Variants in MANBA observed in about 807,000 individuals in gnomAD.
MANBA encodes the protein mannosidase beta.
Under a neutral mutation model 111.1 loss-of-function variants are expected in MANBA, and 83 were observed. The ratio of observed to expected loss-of-function variants is 0.75; its 90% CI spans 0.63 to 0.90. The LOEUF (loss-of-function observed/expected upper bound fraction) is 0.90, where lower values mean the gene tolerates loss of function less well. Among genes scored for constraint, MANBA ranks in the 40% least tolerant of loss-of-function variants. MANBA has a pLI of 0.00. For missense variants in MANBA, 1,036 were observed against 1,069.0 expected, an observed-to-expected ratio of 0.97 and a Z score of 0.43; for synonymous variants, 370 against 378.7, an observed-to-expected ratio of 0.98 and a Z score of 0.27.
intron 8 of MANBA, chr4:102,671,886 A>C (rs2110224189): frequency 2.4e-6 from 1 of 422,222 alleles, no homozygotes; most frequent in Non-Finnish European, 4.1e-6. Context: ...AAAATCTAGA[A>C]ACTTACAGGC....
intron 8 of MANBA, among the ~76,000 whole-genome samples, chr4:102,672,796 T>A (rs1211522658): frequency 1.3e-5 from 2 of 152,216 alleles, no homozygotes; most frequent in Non-Finnish European, 2.9e-5. Flanking sequence ...TATGAGAATC[T>A]AATTCCTGAT....
At chr4:102,729,240 G>C (rs2110198083) in intron 1 of MANBA, 1 of 744,476 alleles carries the variant, frequency 1.3e-6, no homozygotes, top group Middle Eastern at 3.4e-4. Context: ...TGATGTTCCG[G>C]TTCATCTCAG....
chr4:102,742,878 C>T (rs966683262), intron 1 of MANBA, among the ~76,000 whole-genome samples: 15 of 152,122 alleles, frequency 9.9e-5, no homozygotes, highest in Admixed American at 2.6e-4. Context: ...GGTGCCATAT[C>T]GTGGGCTCAG....
chr4:102,690,633 C>G lies in MANBA; in HGVS notation c.812G>C (p.Gly271Ala), dbSNP rs748546365. Residue 271 changes from glycine (G) to alanine (A), a missense_variant, in exon 6 of 17, where the codon GGG becomes GCG. Physicochemically the swap from Gly to Ala is moderately conservative, Grantham distance 60. Transcript: ENST00000647097. ...CACAAATAGCTCAACAATCCTTTTCCCAGGTTGAAGTTCAATGCTGTATGT... is the reference window on the plus strand; with the variant it reads ...CACAAATAGCTCAACAATCCTTTTCGCAGGTTGAAGTTCAATGCTGTATGT... The part of the protein sequence containing the change: ...QQTYSIELQP[G>A]KRIVELFVNI... 2 of 1,612,662 alleles carry G rather than the reference C, an allele frequency of 1.2e-6. No individual in the cohort carries two copies. The highest frequency in any genetic ancestry group is 3.3e-5 in the Admixed American group (2 of 59,936).
intron 16 of MANBA, chr4:102,633,226 T>C: frequency 2.5e-6 from 1 of 398,518 alleles, no homozygotes; most frequent in Non-Finnish European, 4.4e-6. Context: ...GGCTTGAATT[T>C]GGATGGCAAA....
At position 102,733,338 on chromosome 4, in the gene MANBA, G is replaced by A. The variant is rs1438831677; in HGVS notation, c.178-6655C>T. On this transcript the variant is annotated intron_variant, in intron 1 of 16. Coordinates refer to ENST00000647097, the MANE Select transcript of MANBA (RefSeq NM_005908.4). Reference sequence around the variant, plus strand: ...GATTCCTGTTCACCTGAGTAAGGAAGTCCTCTCTGCATTTTTTTTTTTTTT... The same window carrying A: ...GATTCCTGTTCACCTGAGTAAGGAAATCCTCTCTGCATTTTTTTTTTTTTT... 2.0e-5 allele frequency among the ~76,000 whole-genome samples: 3 copies of A among 150,784 alleles called. No homozygotes were observed. In the East Asian group the frequency reaches 5.8e-4, roughly 29 times the overall value.
intron 1 of MANBA, among the ~76,000 whole-genome samples, chr4:102,739,421 A>G (rs755210084): frequency 5.9e-5 from 9 of 152,330 alleles, no homozygotes; most frequent in Non-Finnish European, 1.2e-4. Context: ...TCCAAAAAAT[A>G]GAGAAAGAGG....
At chr4:102,739,167 A>G (rs375908151) in intron 1 of MANBA, among the ~76,000 whole-genome samples, 42 of 152,348 alleles carry the variant, frequency 2.8e-4, no homozygotes, top group African/African-American at 1.0e-3. Flanking sequence ...CATGGCTACT[A>G]TGAACATCTT....
intron 1 of MANBA, chr4:102,751,500 A>C: frequency 3.8e-6 from 2 of 531,412 alleles, no homozygotes. Context: ...TGCTGACCTT[A>C]GTAACATCAT....
chr4:102,716,753 G>A (rs55888741), intron 4 of MANBA, among the ~76,000 whole-genome samples: 8,670 of 152,038 alleles, frequency 0.057, 730 homozygotes, highest in African/African-American at 0.18. Context: ...TTTATGGGGG[G>A]AAAAAAAGTA....
At chr4:102,672,874 C>T (rs1223294789) in intron 8 of MANBA, among the ~76,000 whole-genome samples, 1 of 152,122 alleles carries the variant, frequency 6.6e-6, no homozygotes, top group Non-Finnish European at 1.5e-5. Flanking sequence ...TGTAGAAAAA[C>T]TGTCTTCCAT....
intron 10 of MANBA, chr4:102,665,086 C>A: frequency 2.0e-6 from 1 of 495,476 alleles, no homozygotes; most frequent in Non-Finnish European, 3.6e-6. Flanking sequence ...CTCTTCTCTG[C>A]TATATAAAAA....
intron 11 of MANBA, among the ~76,000 whole-genome samples, chr4:102,664,089 G>A (rs1338991923): frequency 6.6e-6 from 1 of 152,182 alleles, no homozygotes; most frequent in Admixed American, 6.5e-5. Context: ...CGAATCTAGA[G>A]ATTCTAAACT....
intron 10 of MANBA, chr4:102,667,954 A>G (rs1332046379): frequency 6.6e-6 from 1 of 152,208 alleles, no homozygotes; most frequent in Non-Finnish European, 1.5e-5. Context: ...GATCATTTCC[A>G]ATGGATGCTA....
chr4:102,753,885 C>T (rs1315842214), intron 1 of MANBA: 2 of 424,446 alleles, frequency 4.7e-6, no homozygotes, highest in East Asian at 8.6e-5. Flanking sequence ...GAGATCGAGA[C>T]CAGCTTGAGC....
At chr4:102,680,078 T>C (rs1372302438) in intron 7 of MANBA, among the ~76,000 whole-genome samples, 1 of 152,214 alleles carries the variant, frequency 6.6e-6, no homozygotes, top group Admixed American at 6.5e-5. Context: ...GGCATTGCTA[T>C]GTGGATTTCT....
At chr4:102,725,138 G>C (rs1560799667) in intron 2 of MANBA, among the ~76,000 whole-genome samples, 1 of 152,216 alleles carries the variant, frequency 6.6e-6, no homozygotes, top group East Asian at 1.9e-4. Flanking sequence ...ACTTTTTGTG[G>C]GGGGATGAGG....
intron 1 of MANBA, among the ~76,000 whole-genome samples, chr4:102,758,541 T>C (rs995261825): frequency 3.3e-5 from 5 of 151,600 alleles, no homozygotes; most frequent in African/African-American, 7.3e-5. Flanking sequence ...ATTGCTTCTT[T>C]ACTTTTTTTC....
At chr4:102,701,994 C>T (rs1422724610) in intron 5 of MANBA, among the ~76,000 whole-genome samples, 4 of 151,822 alleles carry the variant, frequency 2.6e-5, no homozygotes, top group Non-Finnish European at 4.4e-5. Flanking sequence ...CTTTCAGGTA[C>T]ACCAGTCAGA....
Sources: gnomAD v4.1 joint callset for allele counts (sites outside exome capture counted in the v4.1 genomes callset) on GRCh38, gnomAD v4.1.1 for gene constraint, MANE v1.5 for transcripts, NCBI Gene and HGNC (gene_info 2026-07-23, HGNC 2026-07-21) for gene names.